MYO5B: variants seen among roughly 807,000 people sequenced by gnomAD.
MYO5B encodes myosin VB.
MYO5B carries 143 observed loss-of-function variants against 229.3 expected under a neutral mutation model. The ratio of observed to expected loss-of-function variants is 0.62; its 90% CI spans 0.54 to 0.72. The LOEUF (loss-of-function observed/expected upper bound fraction) is 0.72. Among genes scored for constraint, MYO5B ranks in the 30% least tolerant of loss-of-function variants. The pLI, the probability that MYO5B is intolerant of heterozygous loss-of-function variation, is 0.00. For synonymous variants in MYO5B, 918 were observed against 885.2 expected, an observed-to-expected ratio of 1.04 and a Z score of -0.66; for missense variants, 2,321 against 2,331.0, an observed-to-expected ratio of 1.00 and a Z score of 0.09.
Position 50,001,745 on chromosome 18 carries a change from C to G in MYO5B, c.456-334G>C, listed in dbSNP as rs969686381. ...CACATCCTTTAAGAATTCACAAGCACACACAGACCAGGCGTGGTGGCTCAT... is the reference window on the plus strand; with the variant it reads ...CACATCCTTTAAGAATTCACAAGCAGACACAGACCAGGCGTGGTGGCTCAT... On this transcript the variant is annotated intron_variant, in intron 4 of 39. Coordinates refer to ENST00000285039, the MANE Select transcript of MYO5B (RefSeq NM_001080467.3). 2.6e-5 allele frequency among the ~76,000 whole-genome samples: 4 copies of G among 152,080 alleles called. 1 individual carries two copies. The highest frequency in any genetic ancestry group is 2.6e-4 in the Admixed American group (4 of 15,264).
intron 14 of MYO5B, among the ~76,000 whole-genome samples, 157 bp from the exon 15 acceptor site, chr18:49,937,554 C>T (rs1344247200): frequency 6.6e-6 from 1 of 152,122 alleles, no homozygotes; most frequent in African/African-American, 2.4e-5. Context: ...CTCCCAAAAG[C>T]GCCACAAGGT....
Position 49,878,962 on chromosome 18 carries a change from C to A in MYO5B, c.3259G>T (p.Glu1087Ter). Residue 1087 changes from glutamate (E) to a stop codon, truncating the protein, a stop_gained, in exon 24 of 40, where the codon GAA (glutamate) becomes TAA (stop). Coordinates refer to ENST00000285039, the MANE Select transcript of MYO5B (RefSeq NM_001080467.3). LOFTEE classifies it high-confidence loss of function. ...LEQRYDNLRDEMTIIKQTPGH... is the reference protein window; with the variant it reads ...LEQRYDNLRD ...CCCCTTGCCTTTATGATGGTCATTT[C>A]ATCCCGAAGGTTGTCGTATCTCTGC... 6.2e-7 allele frequency: 1 copy of A among 1,614,178 alleles called. No homozygotes were observed. Among genetic ancestry groups the A allele is most frequent in the Non-Finnish European group, 8.5e-7 (1 of 1,180,030 alleles).
intron 1 of MYO5B, among the ~76,000 whole-genome samples, chr18:50,116,087 A>C (rs1342230690): frequency 6.6e-6 from 1 of 152,212 alleles, no homozygotes; most frequent in East Asian, 1.9e-4. Context: ...TTTAAAATGG[A>C]TCACTAAACA....
At chr18:49,936,810 G>A (rs1350582677) in intron 15 of MYO5B, among the ~76,000 whole-genome samples, 1 of 152,142 alleles carries the variant, frequency 6.6e-6, no homozygotes, top group Non-Finnish European at 1.5e-5. Context: ...GGCTGCCAGG[G>A]ACTTGACAAG....
intron 30 of MYO5B, among the ~76,000 whole-genome samples, chr18:49,856,250 G>A (rs546933068): frequency 8.1e-4 from 124 of 152,298 alleles, no homozygotes; most frequent in Non-Finnish European, 1.5e-3. Flanking sequence ...CCCCATGAAG[G>A]TGCTGTGAGG....
chr18:49,988,895 G>A (rs2025899511), intron 7 of MYO5B, among the ~76,000 whole-genome samples: 2 of 152,136 alleles, frequency 1.3e-5, no homozygotes, highest in Admixed American at 6.5e-5. Flanking sequence ...TCATGTCATC[G>A]TGTTCCGGGG....
chr18:50,125,655 C>A (rs954172166), intron 1 of MYO5B, among the ~76,000 whole-genome samples: 16 of 152,142 alleles, frequency 1.1e-4, no homozygotes, highest in African/African-American at 3.9e-4. Flanking sequence ...AGCAATTCTA[C>A]TTCTAGGAAT....
intron 5 of MYO5B, 87 bp from the exon 6 acceptor site, chr18:49,992,518 C>A (rs372609252): frequency 7.7e-6 from 12 of 1,568,196 alleles, no homozygotes; most frequent in Non-Finnish European, 1.1e-5. Context: ...CATGTGTCCC[C>A]TTTCTCTTCC....
chr18:50,058,050 C>T (rs1598988116), intron 1 of MYO5B, among the ~76,000 whole-genome samples: 1 of 152,144 alleles, frequency 6.6e-6, no homozygotes, highest in African/African-American at 2.4e-5. Context: ...AGGATATTCA[C>T]ATAACATGAA....
intron 14 of MYO5B, among the ~76,000 whole-genome samples, chr18:49,951,775 C>T (rs1292909975): frequency 1.3e-5 from 2 of 152,202 alleles, no homozygotes; most frequent in African/African-American, 4.8e-5. Context: ...TATAAGTTGT[C>T]ACAGGCCTCC....
At chr18:50,035,782 A>G (rs1165368067) in intron 4 of MYO5B, among the ~76,000 whole-genome samples, 1 of 152,258 alleles carries the variant, frequency 6.6e-6, no homozygotes, top group South Asian at 2.1e-4. Context: ...AAATAGTTAC[A>G]GATCATTCTG....
At chr18:50,113,954 TG>T (rs1268206367) in intron 1 of MYO5B, among the ~76,000 whole-genome samples, 1 of 152,260 alleles carries the variant, frequency 6.6e-6, no homozygotes, top group Non-Finnish European at 1.5e-5. Flanking sequence ...GTTCTTAGAC[TG>T]AACAAATGGG....
intron 1 of MYO5B, among the ~76,000 whole-genome samples, chr18:50,172,144 G>A (rs2032927227): frequency 6.6e-6 from 1 of 152,040 alleles, no homozygotes; most frequent in Admixed American, 6.5e-5. Context: ...AGCCAGGCAT[G>A]GTGGCACACA....
intron 27 of MYO5B, among the ~76,000 whole-genome samples, chr18:49,870,791 T>C (rs988738295): frequency 6.6e-6 from 1 of 152,014 alleles, no homozygotes; most frequent in Non-Finnish European, 1.5e-5. Context: ...GAAAAGAAAA[T>C]ACTACGTGTT....
rs33975553 is a variant in MYO5B, at chr18:50,049,024, G to GA, written c.138+6243dup. Reference sequence around the variant, plus strand: ...GCAACAGAGTGAGACTCCATCTCAGGAAAAAAAAAAAAAAAAAAGTGTGAA... The same window carrying GA: ...GCAACAGAGTGAGACTCCATCTCAGGAAAAAAAAAAAAAAAAAAAGTGTGAA... On this transcript the variant is annotated intron_variant, in intron 2 of 39. Coordinates refer to ENST00000285039, the MANE Select transcript of MYO5B (RefSeq NM_001080467.3). Among the ~76,000 whole-genome samples the GA allele has an allele frequency of 1.3e-3, 161 of 126,588 alleles. 1 individual carries two copies. The highest frequency in any genetic ancestry group is 4.5e-3 in the African/African-American group (152 of 33,680). 83.0% of individuals were successfully genotyped at this position (126,588 alleles called of 152,430 possible). A position where few individuals can be genotyped will look rare whatever the true frequency, so the allele number is the denominator to read the frequency against.
chr18:49,941,597 C>G (rs944408333), intron 14 of MYO5B, among the ~76,000 whole-genome samples: 2 of 152,116 alleles, frequency 1.3e-5, no homozygotes, highest in African/African-American at 4.8e-5. Flanking sequence ...AGGATGCCCC[C>G]AAGTGTTAGC....
At chr18:50,011,613 C>T (rs1004076304) in intron 4 of MYO5B, among the ~76,000 whole-genome samples, 3 of 151,942 alleles carry the variant, frequency 2.0e-5, no homozygotes, top group Non-Finnish European at 2.9e-5. Flanking sequence ...GGGAACTGCC[C>T]GTGACACCTT....
chr18:49,933,346 C>G (rs1462280603), intron 16 of MYO5B, among the ~76,000 whole-genome samples: 1 of 152,268 alleles, frequency 6.6e-6, no homozygotes, highest in African/African-American at 2.4e-5. Context: ...GAGCCACCGA[C>G]AGCCACTTCT....
chr18:49,953,397 T>C, intron 13 of MYO5B, 54 bp from the exon 14 acceptor site: 1 of 1,470,830 alleles, frequency 6.8e-7, no homozygotes, highest in Non-Finnish European at 9.5e-7. Context: ...CAGCAGTTTC[T>C]CAACCACTTT....
Sources: gnomAD v4.1 joint callset for allele counts (sites outside exome capture counted in the v4.1 genomes callset) on GRCh38, gnomAD v4.1.1 for gene constraint, MANE v1.5 for transcripts, NCBI Gene and HGNC (gene_info 2026-07-23, HGNC 2026-07-21) for gene names.